Variants in BET1 observed in about 807,000 individuals in gnomAD.
The protein encoded by BET1 is Bet1 golgi vesicular membrane trafficking protein.
BET1 carries 9 observed loss-of-function variants against 13.9 expected under a neutral mutation model. The observed-to-expected ratio is 0.65, with a 90% CI of 0.39 to 1.13. BET1 has a LOEUF of 1.13. BET1 is among the 50% of genes most tolerant of loss of function. BET1 has a pLI of 0.01. For missense variants in BET1, 127 were observed against 133.6 expected, an observed-to-expected ratio of 0.95 and a Z score of 0.24; for synonymous variants, 39 against 47.3, an observed-to-expected ratio of 0.82 and a Z score of 0.72.
At chr7:93,971,998 A>C (rs907078119) in intron 6 of BET1, among the ~76,000 whole-genome samples, 8 of 151,252 alleles carry the variant, frequency 5.3e-5, no homozygotes, top group African/African-American at 1.9e-4. Flanking sequence ...CCCTAAGGAG[A>C]ATTTATTTTT....
chr7:94,004,056 C>T, intron 1 of BET1, 142 bp downstream of exon 1: 1 of 1,218,242 alleles, frequency 8.2e-7, no homozygotes, highest in Non-Finnish European at 1.2e-6. Flanking sequence ...TGTTTCCACT[C>T]GACATGGACC....
intron 4 of BET1, among the ~76,000 whole-genome samples, chr7:93,976,912 G>C (rs1381408032): frequency 1.3e-5 from 2 of 152,042 alleles, no homozygotes; most frequent in Admixed American, 6.6e-5. Flanking sequence ...TCACTTATAA[G>C]TGAGAAGAGA....
chr7:94,002,335 T>TA (rs992331421), intron 1 of BET1, among the ~76,000 whole-genome samples: 3 of 149,940 alleles, frequency 2.0e-5, no homozygotes, highest in South Asian at 2.1e-4. Flanking sequence ...ATTCATACTT[T>TA]AAAAAAAAAG....
At chr7:93,964,719 G>C (rs1795146376) in exon 7 of BET1, 1 of 152,064 alleles carries the variant, frequency 6.6e-6, no homozygotes, top group African/African-American at 2.4e-5. Flanking sequence ...TTTAAAAAAT[G>C]CTCATAATCA....
At chr7:93,981,518 A>G (rs1428122319) in intron 4 of BET1, among the ~76,000 whole-genome samples, 1 of 152,160 alleles carries the variant, frequency 6.6e-6, no homozygotes, top group East Asian at 1.9e-4. Context: ...TTTGGGGAAA[A>G]CAGCAGCAAG....
intron 1 of BET1, among the ~76,000 whole-genome samples, chr7:94,003,843 AG>A (rs1344189292): frequency 6.6e-6 from 1 of 152,142 alleles, no homozygotes; most frequent in Non-Finnish European, 1.5e-5. Context: ...ATCCAGGGCC[AG>A]TAGGGAAACA....
rs78411959 is a variant in BET1 at position 93,975,249 on chromosome 7, C to T, written c.*48+655G>A. Among the ~76,000 whole-genome samples, 746 of 152,072 alleles carry T rather than the reference C, an allele frequency of 4.9e-3. 6 individuals carry two copies. Among genetic ancestry groups the T allele is most frequent in the African/African-American group, 0.017 (699 of 41,530 alleles). ...CTGTAATTTAATTAATAGTATTGTA[C>T]CAATGTTAACTTCTTGGTTTTGACC... On this transcript the variant is annotated intron_variant and NMD_transcript_variant, in intron 5 of 6. Coordinates refer to the BET1 transcript ENST00000357520.
intron 6 of BET1, among the ~76,000 whole-genome samples, chr7:93,966,673 T>G (rs1156603015): frequency 6.6e-6 from 1 of 151,662 alleles, no homozygotes; most frequent in South Asian, 2.1e-4. Context: ...TTTGGGAATG[T>G]CATAATTAGT....
chr7:93,977,905 T>C (rs1795366577), intron 4 of BET1, among the ~76,000 whole-genome samples: 2 of 152,100 alleles, frequency 1.3e-5, no homozygotes, highest in South Asian at 4.1e-4. Context: ...ATCCTTTACC[T>C]GATTATATGC....
chr7:94,004,316 GA>G lies in BET1; in HGVS notation c.-101del. ...CGCGTCTTCAGTACCAGGGCCCAGCGAAACACCAACTTCTTCCCCTAAAGCG... is the reference window on the plus strand; with the variant it reads ...CGCGTCTTCAGTACCAGGGCCCAGCGAACACCAACTTCTTCCCCTAAAGCG... On this transcript the variant is annotated 5_prime_UTR_variant, in exon 1 of 4. It removes the in-frame stop codon of an upstream open reading frame in the 5' UTR. Coordinates refer to ENST00000222547, the MANE Select transcript of BET1 (RefSeq NM_005868.6). 1 of 1,508,932 alleles carries G rather than the reference GA, an allele frequency of 6.6e-7. No homozygotes were observed. Among genetic ancestry groups the G allele is most frequent in the Non-Finnish European group, 9.2e-7 (1 of 1,086,102 alleles). 93.5% of individuals were successfully genotyped at this position (1,508,932 alleles called of 1,614,324 possible). A position where few individuals can be genotyped will look rare whatever the true frequency, so the allele number is the denominator to read the frequency against.
intron 4 of BET1, among the ~76,000 whole-genome samples, chr7:93,985,223 CT>C (rs1296329625): frequency 1.3e-5 from 2 of 152,174 alleles, no homozygotes; most frequent in African/African-American, 4.8e-5. Flanking sequence ...TCTGGGAAGA[CT>C]TTCTATAAAG....
Position 93,996,179 on chromosome 7 carries a change from T to C in BET1, c.201+86A>G. ...ACGGGAATCAAGGACTTACGATCTCTGTATTTCAAAATGAATAAAAGTTGA... is the reference window on the plus strand; with the variant it reads ...ACGGGAATCAAGGACTTACGATCTCCGTATTTCAAAATGAATAAAAGTTGA... On this transcript the variant is annotated intron_variant, in intron 3 of 3. Coordinates refer to ENST00000222547, the MANE Select transcript of BET1 (RefSeq NM_005868.6). 2 of 997,840 alleles carry C rather than the reference T, an allele frequency of 2.0e-6. 1 individual carries two copies. The highest frequency in any genetic ancestry group is 3.1e-6 in the Non-Finnish European group (2 of 651,032). The allele number at this position is 997,840 out of a possible 1,614,324, so 61.8% of individuals were successfully genotyped here.
intron 6 of BET1, among the ~76,000 whole-genome samples, chr7:93,970,559 G>T (rs994998330): frequency 1.3e-5 from 2 of 151,672 alleles, no homozygotes; most frequent in Non-Finnish European, 2.9e-5. Flanking sequence ...TTACTCTGTT[G>T]CCTTGTTCTA....
chr7:93,970,724 G>A (rs1795247554), intron 6 of BET1, among the ~76,000 whole-genome samples: 2 of 150,992 alleles, frequency 1.3e-5, no homozygotes, highest in Non-Finnish European at 3.0e-5. Flanking sequence ...GTTCACAAAT[G>A]TAATTGGGAA....
At chr7:93,996,420 T>A (rs1201608949) in intron 2 of BET1, 99 bp from the exon 3 acceptor site, 2 of 834,718 alleles carry the variant, frequency 2.4e-6, no homozygotes, top group East Asian at 5.9e-5. Flanking sequence ...TTTTCTGAAA[T>A]GAAACGGTCT....
At chr7:93,979,275 T>C (rs1465550069) in intron 4 of BET1, among the ~76,000 whole-genome samples, 3 of 152,126 alleles carry the variant, frequency 2.0e-5, no homozygotes, top group Admixed American at 6.5e-5. Flanking sequence ...AAATAACCAA[T>C]GTCTAACACA....
chr7:93,986,797 A>C (rs1476679545), intron 4 of BET1, among the ~76,000 whole-genome samples: 1 of 152,176 alleles, frequency 6.6e-6, no homozygotes, highest in African/African-American at 2.4e-5. Flanking sequence ...AAATTCCTAT[A>C]ATCTAGTGAT....
chr7:94,002,482 A>T (rs1795932067), intron 1 of BET1, among the ~76,000 whole-genome samples: 1 of 151,598 alleles, frequency 6.6e-6, no homozygotes, highest in Non-Finnish European at 1.5e-5. Context: ...AAAGAAAGAA[A>T]AAAAAAGGAA....
chr7:93,993,430 C>G lies in BET1; in HGVS notation c.*800G>C, dbSNP rs1795683541. 1.0e-6 allele frequency: 1 copy of G among 983,834 alleles called. No individual in the cohort carries two copies. The highest frequency in any genetic ancestry group is 1.2e-6 in the Non-Finnish European group (1 of 828,000). 60.9% of individuals were successfully genotyped at this position (983,834 alleles called of 1,614,324 possible). A position where few individuals can be genotyped will look rare whatever the true frequency, so the allele number is the denominator to read the frequency against. On this transcript the variant is annotated 3_prime_UTR_variant, in exon 4 of 4. Transcript: ENST00000222547. ...ATACTCTTATCTTCAAGTTCAATGC[C>G]TGAGTTTCTTGCATACTATTTCCAT...
Sources: allele counts gnomAD v4.1 joint callset (sites outside exome capture counted in the v4.1 genomes callset), GRCh38; gene constraint gnomAD v4.1.1; transcripts MANE v1.5; gene names NCBI Gene and HGNC (gene_info 2026-07-23, HGNC 2026-07-21).